PRKCB: variants seen among roughly 807,000 people sequenced by gnomAD.
PRKCB encodes the protein protein kinase C beta, also known as protein kinase C beta type.
In PRKCB, 13 loss-of-function variants were observed where a neutral mutation model predicts 81.5. The ratio of observed to expected loss-of-function variants is 0.16; its 90% confidence interval spans 0.10 to 0.25. The LOEUF (loss-of-function observed/expected upper bound fraction) is 0.25, where lower values mean the gene tolerates loss of function less well. Among genes scored for constraint, PRKCB ranks in the 10% least tolerant of loss-of-function variants. PRKCB has a pLI of 1.00. For missense variants in PRKCB, 509 were observed against 875.7 expected, an observed-to-expected ratio of 0.58 and a Z score of 5.29; for synonymous variants, 335 against 321.4, an observed-to-expected ratio of 1.04 and a Z score of -0.45.
chr16:24,050,466 AACACACACAC>A (rs3051483), intron 5 of PRKCB, among the ~76,000 whole-genome samples: 7 of 149,372 alleles, frequency 4.7e-5, no homozygotes, highest in African/African-American at 1.7e-4. Context: ...GGTTTTATGT[AACACACACAC>A]ACACACACAC....
intron 2 of PRKCB, among the ~76,000 whole-genome samples, chr16:23,941,075 G>A (rs993730791): frequency 2.6e-5 from 4 of 152,136 alleles, no homozygotes; most frequent in Admixed American, 6.5e-5. Context: ...TAGATTAGGG[G>A]TTGGCAAATG....
intron 11 of PRKCB, 116 bp from the exon 12 acceptor site, chr16:24,174,402 T>A: frequency 1.1e-6 from 1 of 891,560 alleles, no homozygotes; most frequent in African/African-American, 1.7e-5. Flanking sequence ...TAGCTGACCA[T>A]CCATGGGTTC....
chr16:23,948,148 C>A (rs1253212663), intron 2 of PRKCB, among the ~76,000 whole-genome samples: 1 of 152,096 alleles, frequency 6.6e-6, no homozygotes, highest in African/African-American at 2.4e-5. Flanking sequence ...GGGCTTCTAG[C>A]AAGATCTGTC....
At chr16:23,994,255 G>A (rs552052443) in intron 3 of PRKCB, among the ~76,000 whole-genome samples, 2 of 152,316 alleles carry the variant, frequency 1.3e-5, no homozygotes, top group African/African-American at 4.8e-5. Flanking sequence ...GTGGTCAGGT[G>A]ATCAATGGAA....
intron 2 of PRKCB, among the ~76,000 whole-genome samples, chr16:23,968,389 C>G (rs375198159): frequency 6.6e-6 from 1 of 152,136 alleles, no homozygotes; most frequent in Non-Finnish European, 1.5e-5. Flanking sequence ...AGGCGGTTAC[C>G]GTCTGTAAAG....
At chr16:24,173,450 G>T (rs1025491471) in intron 11 of PRKCB, among the ~76,000 whole-genome samples, 1 of 152,088 alleles carries the variant, frequency 6.6e-6, no homozygotes, top group African/African-American at 2.4e-5. Flanking sequence ...ACCCAGTTCA[G>T]CTTGCCCCCT....
At chr16:23,896,632 G>A (rs969352065) in intron 2 of PRKCB, among the ~76,000 whole-genome samples, 1 of 152,174 alleles carries the variant, frequency 6.6e-6, no homozygotes, top group African/African-American at 2.4e-5. Context: ...TTAAGAAGTG[G>A]CATTAGCTGT....
At chr16:24,154,963 T>TTCTGTG in intron 10 of PRKCB, 106 bp downstream of exon 10, 2 of 1,307,286 alleles carry the variant, frequency 1.5e-6, no homozygotes, top group Non-Finnish European at 2.1e-6. Flanking sequence ...ACCCTTCCCT[T>TTCTGTG]TCTAGACACA....
chr16:23,981,481 G>A (rs929401564), intron 2 of PRKCB, among the ~76,000 whole-genome samples: 23 of 152,056 alleles, frequency 1.5e-4, no homozygotes, highest in Non-Finnish European at 1.9e-4. Context: ...ATTAGGACAC[G>A]GATATCTGGT....
chr16:23,900,718 G>GTTTTTTTTTT lies in PRKCB; in HGVS notation c.205+63335_205+63344dup, dbSNP rs56897816. ...CTCATTCATTTTAACAGCTGCACAG[G>GTTTTTTTTTT]TTTTTTTTTTTTTTTTTTTTTTTTT... On this transcript the variant is annotated intron_variant, in intron 2 of 16. Coordinates refer to ENST00000643927, the MANE Select transcript of PRKCB (RefSeq NM_002738.7). Among the ~76,000 whole-genome samples the GTTTTTTTTTT allele has an allele frequency of 5.9e-4, 37 of 62,266 alleles. 2 individuals are homozygous for GTTTTTTTTTT. The highest frequency in any genetic ancestry group is 2.5e-3 in the African/African-American group (36 of 14,276). 40.8% of individuals were successfully genotyped at this position (62,266 alleles called of 152,430 possible).
chr16:23,941,690 T>C (rs536867916), intron 2 of PRKCB, among the ~76,000 whole-genome samples: 1 of 152,202 alleles, frequency 6.6e-6, no homozygotes, highest in Non-Finnish European at 1.5e-5. Flanking sequence ...AAAATTTCAA[T>C]ATTTGTTCTT....
intron 10 of PRKCB, among the ~76,000 whole-genome samples, chr16:24,170,651 CTT>C (rs1376368679): frequency 6.6e-6 from 1 of 152,216 alleles, no homozygotes; most frequent in Non-Finnish European, 1.5e-5. Flanking sequence ...ACACATCTGA[CTT>C]ATTTAATTCC....
chr16:24,194,331 C>T (rs1422846172), intron 16 of PRKCB, among the ~76,000 whole-genome samples: 6 of 151,044 alleles, frequency 4.0e-5, no homozygotes, highest in African/African-American at 1.5e-4. Flanking sequence ...GTCTCAAAAA[C>T]AAACAAACAA....
intron 5 of PRKCB, among the ~76,000 whole-genome samples, chr16:24,085,365 G>A (rs939713204): frequency 1.3e-5 from 2 of 152,212 alleles, no homozygotes; most frequent in Middle Eastern, 3.4e-3. Flanking sequence ...CACATTGGAG[G>A]GATACTCTTT....
At chr16:24,206,532 C>T (rs934228043) in intron 16 of PRKCB, among the ~76,000 whole-genome samples, 2 of 152,146 alleles carry the variant, frequency 1.3e-5, no homozygotes, top group African/African-American at 4.8e-5. Flanking sequence ...GAGCCTTATC[C>T]TCTCCTCCAC....
chr16:24,189,236 C>T (rs979542040), intron 15 of PRKCB, among the ~76,000 whole-genome samples: 15 of 152,204 alleles, frequency 9.9e-5, no homozygotes, highest in African/African-American at 3.4e-4. Context: ...GGAGTCCTTA[C>T]TGTTCCTCAA....
At chr16:24,017,922 A>G (rs1475364949) in intron 3 of PRKCB, among the ~76,000 whole-genome samples, 2 of 130,216 alleles carry the variant, frequency 1.5e-5, no homozygotes, top group Non-Finnish European at 3.3e-5. Flanking sequence ...TTTTTTAGAC[A>G]GAGTCTCGCT....
At chr16:24,212,409 A>G (rs1222452268) in intron 16 of PRKCB, among the ~76,000 whole-genome samples, 1 of 149,996 alleles carries the variant, frequency 6.7e-6, no homozygotes, top group Admixed American at 6.6e-5. Context: ...CTTTAAAAAA[A>G]AAAAAAAAAA....
chr16:24,075,865 TG>T (rs1966170224), intron 5 of PRKCB, among the ~76,000 whole-genome samples: 1 of 152,208 alleles, frequency 6.6e-6, no homozygotes, highest in South Asian at 2.1e-4. Context: ...ATCTGGAAAG[TG>T]TGTTAAAATA....
Sources: allele counts gnomAD v4.1 joint callset (sites outside exome capture counted in the v4.1 genomes callset), GRCh38; gene constraint gnomAD v4.1.1; transcripts MANE v1.5; gene names NCBI Gene and HGNC (gene_info 2026-07-23, HGNC 2026-07-21).